The following MAPKAPK2 variants were observed in gnomAD, a reference collection of about 807,000 sequenced individuals.
MAPKAPK2 encodes the protein MAP kinase-activated protein kinase 2.
A neutral mutation model predicts 48.8 loss-of-function variants in MAPKAPK2; 9 were observed. The observed-to-expected ratio is 0.18, with a 90% confidence interval of 0.11 to 0.32. MAPKAPK2 has a LOEUF of 0.32. MAPKAPK2 is among the 10% of genes least tolerant of loss of function. The pLI is 1.00. For missense variants in MAPKAPK2, 331 were observed against 498.3 expected, an observed-to-expected ratio of 0.66 and a Z score of 3.20; for synonymous variants, 202 against 190.6, an observed-to-expected ratio of 1.06 and a Z score of -0.49.
chr1:206,701,450 G>T (rs554049744), intron 1 of MAPKAPK2, among the ~76,000 whole-genome samples: 1 of 152,110 alleles, frequency 6.6e-6, no homozygotes, highest in Non-Finnish European at 1.5e-5. Context: ...AGCTGGAAGG[G>T]GATTTGAGGA....
Position 206,732,026 on chromosome 1 carries a change from C to G in MAPKAPK2, c.1059+107C>G, listed in dbSNP as rs1673930752. ...GGTAGGGGAGAGCTTGATTCTGCCT[C>G]TCTCATCCCAGGGGTGTCTTCATGA... is the stretch of plus-strand genomic sequence containing the variant. On this transcript the variant is annotated intron_variant, in intron 9 of 9. Transcript: ENST00000367103. This position sits in a 1 kb window ranked among gnomAD's most constrained non-coding sequence, Gnocchi z 4.4. 6.2e-7 allele frequency: 1 copy of G among 1,614,028 alleles called. No homozygotes were observed. Among genetic ancestry groups the G allele is most frequent in the Admixed American group, 1.7e-5 (1 of 60,004 alleles).
intron 1 of MAPKAPK2, among the ~76,000 whole-genome samples, chr1:206,711,509 C>G (rs1673140155): frequency 6.6e-6 from 1 of 152,030 alleles, no homozygotes; most frequent in African/African-American, 2.4e-5. Flanking sequence ...CCTCGGCCTC[C>G]CAGAGTGCTG....
intron 1 of MAPKAPK2, among the ~76,000 whole-genome samples, chr1:206,698,790 T>C (rs1211917395): frequency 1.3e-5 from 2 of 151,706 alleles, no homozygotes; most frequent in African/African-American, 4.9e-5. Context: ...TCTTGGGCTC[T>C]GGATATACAT....
At chr1:206,710,827 A>G (rs1296704088) in intron 1 of MAPKAPK2, among the ~76,000 whole-genome samples, 1 of 152,264 alleles carries the variant, frequency 6.6e-6, no homozygotes, top group African/African-American at 2.4e-5. Context: ...TGGATGTTAA[A>G]CAACAAGAAG....
At chr1:206,729,892 AG>A in intron 4 of MAPKAPK2, 79 bp from the exon 5 acceptor site, 7 of 1,567,360 alleles carry the variant, frequency 4.5e-6, no homozygotes, top group Non-Finnish European at 5.2e-6. Context: ...AGAGGAAGGG[AG>A]GAACCAGGAT....
At chr1:206,724,051 A>G (rs1553431599) in intron 1 of MAPKAPK2, among the ~76,000 whole-genome samples, 1 of 152,272 alleles carries the variant, frequency 6.6e-6, no homozygotes, top group Non-Finnish European at 1.5e-5. Context: ...AATATTTCAC[A>G]ATTCCTCCAG....
intron 1 of MAPKAPK2, among the ~76,000 whole-genome samples, chr1:206,703,697 C>A (rs1672866301): frequency 6.6e-6 from 1 of 152,186 alleles, no homozygotes. Context: ...ATTGTATTTT[C>A]TTTTGATGCT....
At chr1:206,695,020 G>C (rs1672571652) in intron 1 of MAPKAPK2, among the ~76,000 whole-genome samples, 1 of 152,206 alleles carries the variant, frequency 6.6e-6, no homozygotes, top group African/African-American at 2.4e-5. Context: ...GACTCTTAGT[G>C]ACTTCATACC....
chr1:206,695,344 A>C (rs2102379071), intron 1 of MAPKAPK2, among the ~76,000 whole-genome samples: 1 of 152,066 alleles, frequency 6.6e-6, no homozygotes, highest in African/African-American at 2.4e-5. Context: ...GTTTGCCCAG[A>C]GCCCAGCTCT....
chr1:206,695,351 C>G (rs1672582069), intron 1 of MAPKAPK2, among the ~76,000 whole-genome samples: 1 of 151,882 alleles, frequency 6.6e-6, no homozygotes, highest in African/African-American at 2.4e-5. Flanking sequence ...CAGAGCCCAG[C>G]TCTGATCATG....
intron 1 of MAPKAPK2, among the ~76,000 whole-genome samples, chr1:206,699,895 G>A (rs549047015): frequency 6.6e-6 from 1 of 152,030 alleles, no homozygotes; most frequent in South Asian, 2.1e-4. Flanking sequence ...TGTGACAAAG[G>A]AAGTTGCAAC....
chr1:206,688,757 C>G (rs942601055), intron 1 of MAPKAPK2, among the ~76,000 whole-genome samples: 1 of 152,140 alleles, frequency 6.6e-6, no homozygotes, highest in Non-Finnish European at 1.5e-5. Flanking sequence ...GCCTCAGCCT[C>G]CTGAGTAGCT....
intron 1 of MAPKAPK2, among the ~76,000 whole-genome samples, chr1:206,687,212 A>T (rs1672313355): frequency 6.6e-6 from 1 of 152,256 alleles, no homozygotes; most frequent in Non-Finnish European, 1.5e-5. Context: ...AAGACTTCAG[A>T]ACAAAAGCTC....
At chr1:206,707,655 G>A (rs1673007175) in intron 1 of MAPKAPK2, among the ~76,000 whole-genome samples, 1 of 152,140 alleles carries the variant, frequency 6.6e-6, no homozygotes, top group Admixed American at 6.5e-5. Context: ...CCTAAGGTGG[G>A]GAACATGTTG....
At chr1:206,729,615 C>G in intron 4 of MAPKAPK2, 140 bp downstream of exon 4, 1 of 757,604 alleles carries the variant, frequency 1.3e-6, no homozygotes, top group South Asian at 1.6e-5. Context: ...CTTGTAGGGC[C>G]TTGCCCTCTC....
chr1:206,701,663 G>C (rs1553427917), intron 1 of MAPKAPK2, among the ~76,000 whole-genome samples: 1 of 151,750 alleles, frequency 6.6e-6, no homozygotes, highest in African/African-American at 2.4e-5. Context: ...GGGAAACACT[G>C]TCTCTACAAA....
In MAPKAPK2 at chr1:206,685,337, G is replaced by C. The variant is rs781837168; in HGVS notation, c.108G>C (p.Pro36=). The C allele has an allele frequency of 3.3e-6, 4 of 1,212,610 alleles. No homozygotes were observed. Among genetic ancestry groups the C allele is most frequent in the South Asian group, 1.3e-5 (1 of 76,766 alleles). 75.1% of individuals were successfully genotyped at this position (1,212,610 alleles called of 1,614,324 possible). A position where few individuals can be genotyped will look rare whatever the true frequency, so the allele number is the denominator to read the frequency against. The change falls in exon 1 of 10, where the codon CCG becomes CCC. Residue 36 remains proline, a synonymous_variant. Transcript: ENST00000367103. ...PALPHPPAQP[P]PPPPQQFPQF... ...TGCCGCACCCCCCGGCGCAGCCGCCGCCGCCGCCCCCGCAGCAGTTCCCGC... is the reference window on the plus strand; with the variant it reads ...TGCCGCACCCCCCGGCGCAGCCGCCCCCGCCGCCCCCGCAGCAGTTCCCGC...
intron 1 of MAPKAPK2, among the ~76,000 whole-genome samples, chr1:206,712,962 T>TCACACACACACAAACACA (rs1553429744): frequency 4.5e-5 from 5 of 112,230 alleles, no homozygotes; most frequent in African/African-American, 1.8e-4. Flanking sequence ...TGAGACTCCA[T>TCACACACACACAAACACA]CACACACACA....
At position 206,733,964 on chromosome 1, in the gene MAPKAPK2, C is replaced by A. The variant is rs1458956076; in HGVS notation, c.*1246C>A. The A allele has an allele frequency of 6.5e-6, 1 of 152,868 alleles. No individual in the cohort carries two copies. The highest frequency in any genetic ancestry group is 1.5e-5 in the Non-Finnish European group (1 of 68,192). 9.5% of individuals were successfully genotyped at this position (152,868 alleles called of 1,614,324 possible). A position where few individuals can be genotyped will look rare whatever the true frequency, so the allele number is the denominator to read the frequency against. On this transcript the variant is annotated 3_prime_UTR_variant, in exon 10 of 10. Coordinates refer to ENST00000367103, the MANE Select transcript of MAPKAPK2 (RefSeq NM_032960.4). ...CTTGCCCATCAGCCATTTGCCATCA[C>A]CCCAAACAACTCAGCTTCGGGGCCG... is the stretch of plus-strand genomic sequence containing the variant.
Sources: allele counts gnomAD v4.1 joint callset (sites outside exome capture counted in the v4.1 genomes callset), GRCh38; gene constraint gnomAD v4.1.1; non-coding constraint Gnocchi (gnomAD v3.1); transcripts MANE v1.5; gene names NCBI Gene and HGNC (gene_info 2026-07-23, HGNC 2026-07-21).